KCTD12: variants seen among roughly 807,000 people sequenced by gnomAD.
The protein encoded by KCTD12 is potassium channel tetramerization domain containing 12, also known as BTB/POZ domain-containing protein KCTD12.
KCTD12 carries 16 observed loss-of-function variants against 22.6 expected under a neutral mutation model. That is an observed-to-expected ratio of 0.71 (90% CI 0.48 to 1.07). The LOEUF (loss-of-function observed/expected upper bound fraction) is 1.07, where lower values mean the gene tolerates loss of function less well. KCTD12 is among the 50% of genes least tolerant of loss of function. The probability of loss-of-function intolerance (pLI) is 0.00; values close to 1 mark genes in which losing one functional copy is unlikely to be tolerated. For synonymous variants in KCTD12, 260 were observed against 228.0 expected (o/e 1.14, Z -1.26); for missense variants, 452 against 469.2 (o/e 0.96, Z 0.34).
rs1034098488 is a variant in KCTD12 at position 76,880,570 on chromosome 13, G to C, written c.*4601C>G. 4 of 152,466 alleles carry C rather than the reference G, an allele frequency of 2.6e-5. No individual in the cohort carries two copies. Among genetic ancestry groups the C allele is most frequent in the African/African-American group, 9.7e-5 (4 of 41,416 alleles). The allele number at this position is 152,466 out of a possible 1,614,324, so 9.4% of individuals were successfully genotyped here. A position where few individuals can be genotyped will look rare whatever the true frequency, so the allele number is the denominator to read the frequency against. On this transcript the variant is annotated 3_prime_UTR_variant, in exon 1 of 1. Transcript: ENST00000377474. ...GAATCTTACATTGTCTAGCAGATAA[G>C]GTTTTCAGATGCCTGGAAAAATTTA...
rs2033270756 is a variant in KCTD12 at position 76,886,204 on chromosome 13, C to T, written c.-56G>A. On this transcript the variant is annotated 5_prime_UTR_variant, in exon 1 of 1. Coordinates refer to ENST00000377474, the MANE Select transcript of KCTD12 (RefSeq NM_138444.4). The stretch of plus-strand genomic sequence containing the variant: ...CAGGAAGCCGCGCTGCACTCAGGAG[C>T]TGCAACCGCCTTCCCCGGAGCCCCG... The T allele has an allele frequency of 1.4e-6, 2 of 1,391,742 alleles. No individual in the cohort carries two copies. The highest frequency in any genetic ancestry group is 9.3e-7 in the Non-Finnish European group (1 of 1,080,190). 86.2% of individuals were successfully genotyped at this position (1,391,742 alleles called of 1,614,324 possible). A position where few individuals can be genotyped will look rare whatever the true frequency, so the allele number is the denominator to read the frequency against.
At position 76,881,701 on chromosome 13, in the gene KCTD12, T is replaced by G. The variant is rs900655981; in HGVS notation, c.*3470A>C. ...ACATAACAACATTGAAAGGGAAAAA[T>G]TTTTAAATCTCACATCTTCAAGGAA... On this transcript the variant is annotated 3_prime_UTR_variant, in exon 1 of 1. Coordinates refer to ENST00000377474, the MANE Select transcript of KCTD12 (RefSeq NM_138444.4). 2.5e-5 allele frequency: 2 copies of G among 81,232 alleles called. No homozygotes were observed. The highest frequency in any genetic ancestry group is 7.8e-4 in the South Asian group (2 of 2,566). 5.0% of individuals were successfully genotyped at this position (81,232 alleles called of 1,614,324 possible). A position where few individuals can be genotyped will look rare whatever the true frequency, so the allele number is the denominator to read the frequency against.
chr13:76,886,053 G>A lies in KCTD12; in HGVS notation c.96C>T (p.Phe32=). Residue 32 remains phenylalanine, a synonymous_variant, in exon 1 of 1, where the codon TTC becomes TTT. Coordinates refer to ENST00000377474, the MANE Select transcript of KCTD12 (RefSeq NM_138444.4). ...SSSSSAEPPL[F]PDIVELNVGG... ...CCACGTTCAGCTCCACGATGTCGGG[G>A]AAGAGCGGTGGCTCCGCGGAGGACG... 2 of 1,579,206 alleles carry A rather than the reference G, an allele frequency of 1.3e-6. No homozygotes were observed. Among genetic ancestry groups the A allele is most frequent in the Non-Finnish European group, 1.7e-6 (2 of 1,165,806 alleles).
rs1434539431 is a variant in KCTD12 at position 76,882,949 on chromosome 13, C to G, written c.*2222G>C. On this transcript the variant is annotated 3_prime_UTR_variant, in exon 1 of 1. Coordinates refer to ENST00000377474, the MANE Select transcript of KCTD12 (RefSeq NM_138444.4). The stretch of plus-strand genomic sequence containing the variant: ...CCTTGACTTTAAGTAGACAGTTAAT[C>G]AACATATGATTAGTAATACAACTAA... 1.3e-5 allele frequency: 2 copies of G among 152,032 alleles called. No individual in the cohort carries two copies. The highest frequency in any genetic ancestry group is 3.9e-4 in the East Asian group (2 of 5,188). 9.4% of individuals were successfully genotyped at this position (152,032 alleles called of 1,614,324 possible).
rs914749125 is a variant in KCTD12, at chr13:76,885,233, T to A, written c.916A>T (p.Thr306Ser). ...STGTCAFASS[T>S]DQSEDKIWTS... is the part of the protein sequence containing the mutation. ...CAGATCTTGTCCTCGCTCTGGTCGG[T>A]GCTGCTGGCAAAGGCGCAGGTGCCC... The change falls in exon 1 of 1, where the codon ACC becomes TCC. Residue 306 changes from threonine (T) to serine (S), a missense_variant. Transcript: ENST00000377474. The surrounding 1 kb of genome is among the most constrained non-coding windows in gnomAD (Gnocchi z 5.1). The A allele has an allele frequency of 6.2e-7, 1 of 1,613,948 alleles. No homozygotes were observed. Among genetic ancestry groups the A allele is most frequent in the Non-Finnish European group, 8.5e-7 (1 of 1,180,028 alleles).
Position 76,885,034 on chromosome 13 carries a change from G to A in KCTD12, c.*137C>T. 1.1e-6 allele frequency: 1 copy of A among 930,222 alleles called. No individual in the cohort carries two copies. Among genetic ancestry groups the A allele is most frequent in the Non-Finnish European group, 1.6e-6 (1 of 628,148 alleles). The allele number at this position is 930,222 out of a possible 1,614,324, so 57.6% of individuals were successfully genotyped here. On this transcript the variant is annotated 3_prime_UTR_variant, in exon 1 of 1. Coordinates refer to ENST00000377474, the MANE Select transcript of KCTD12 (RefSeq NM_138444.4). The surrounding 1 kb of genome is among the most constrained non-coding windows in gnomAD (Gnocchi z 5.1). ...GTAGTGGAGGGAAGGTGGGCGGACA[G>A]GTCTCACCCAGCTACTACTGGAGGG...
chr13:76,881,058 A>T lies in KCTD12; in HGVS notation c.*4113T>A, dbSNP rs1203394477. The T allele has an allele frequency of 6.6e-6, 1 of 152,214 alleles. No individual in the cohort carries two copies. Among genetic ancestry groups the T allele is most frequent in the Non-Finnish European group, 1.5e-5 (1 of 68,004 alleles). The allele number at this position is 152,214 out of a possible 1,614,324, so 9.4% of individuals were successfully genotyped here. On this transcript the variant is annotated 3_prime_UTR_variant, in exon 1 of 1. Coordinates refer to ENST00000377474, the MANE Select transcript of KCTD12 (RefSeq NM_138444.4). Reference sequence around the variant, plus strand: ...ATAACTTGTTTCTGGCTATACAAAGACCTATTTCAGGTGCTACAGATACTG... The same window carrying T: ...ATAACTTGTTTCTGGCTATACAAAGTCCTATTTCAGGTGCTACAGATACTG...
rs1429166682 is a variant in KCTD12 at position 76,882,162 on chromosome 13, G to A, written c.*3009C>T. On this transcript the variant is annotated 3_prime_UTR_variant, in exon 1 of 1. Coordinates refer to ENST00000377474, the MANE Select transcript of KCTD12 (RefSeq NM_138444.4). Reference sequence around the variant, plus strand: ...TGGCCCAAAGCCCATGGAGGGGAAGGGATCTAAAGGTGCTCATGTCAAGTT... The same window carrying A: ...TGGCCCAAAGCCCATGGAGGGGAAGAGATCTAAAGGTGCTCATGTCAAGTT... 3 of 152,112 alleles carry A rather than the reference G, an allele frequency of 2.0e-5. No homozygotes were observed. Among genetic ancestry groups the A allele is most frequent in the Non-Finnish European group, 4.4e-5 (3 of 68,022 alleles). The allele number at this position is 152,112 out of a possible 1,614,324, so 9.4% of individuals were successfully genotyped here. A position where few individuals can be genotyped will look rare whatever the true frequency, so the allele number is the denominator to read the frequency against.
At position 76,885,888 on chromosome 13, in the gene KCTD12, GA is replaced by G; in HGVS notation, c.260del (p.Phe87SerfsTer167). 6.3e-7 allele frequency: 1 copy of G among 1,597,210 alleles called. No individual in the cohort carries two copies. The highest frequency in any genetic ancestry group is 2.2e-5 in the East Asian group (1 of 44,774). On this transcript the variant is annotated frameshift_variant, in exon 1 of 1. Transcript: ENST00000377474. LOFTEE classifies it high-confidence loss of function. This position sits in a 1 kb window ranked among gnomAD's most constrained non-coding sequence, Gnocchi z 5.1. Reference protein sequence around the residue: ...KGRFFLDRDGFLFRYILDYLR... With the variant: ...KGRFFLDRDGXLFRYILDYLR... ...GGTAATCCAGGATGTAGCGGAAGAGGAAGCCGTCCCGGTCCAGAAAGAAGCG... is the reference window on the plus strand; with the variant it reads ...GGTAATCCAGGATGTAGCGGAAGAGGAGCCGTCCCGGTCCAGAAAGAAGCG...
rs745512319 is a variant in KCTD12, at chr13:76,885,662, C to T, written c.487G>A (p.Glu163Lys). The change falls in exon 1 of 1, where the codon GAG (glutamate) becomes AAG (lysine). Residue 163 changes from glutamate (E) to lysine (K), a missense_variant. Glu to Lys is a moderately conservative substitution (Grantham distance 56). Transcript: ENST00000377474. The surrounding 1 kb of genome is among the most constrained non-coding windows in gnomAD (Gnocchi z 5.1). ...GDELLPLGYS[E>K]PEQQEGASAG... is the part of the protein sequence containing the mutation. ...GAGGCGCCCTCCTGCTGTTCGGGCTCCGAGTAGCCAAGCGGCAGCAGCTCG... is the reference window on the plus strand; with the variant it reads ...GAGGCGCCCTCCTGCTGTTCGGGCTTCGAGTAGCCAAGCGGCAGCAGCTCG... 55 of 1,475,000 alleles carry T rather than the reference C, an allele frequency of 3.7e-5. No homozygotes were observed. Among genetic ancestry groups the T allele is most frequent in the Non-Finnish European group, 4.6e-5 (52 of 1,125,822 alleles). 91.4% of individuals were successfully genotyped at this position (1,475,000 alleles called of 1,614,324 possible). A position where few individuals can be genotyped will look rare whatever the true frequency, so the allele number is the denominator to read the frequency against.
Position 76,885,997 on chromosome 13 carries a change from G to A in KCTD12, c.152C>T (p.Thr51Met). 6.3e-7 allele frequency: 1 copy of A among 1,590,350 alleles called. No homozygotes were observed. The highest frequency in any genetic ancestry group is 1.1e-5 in the South Asian group (1 of 89,014). ...GGQVYVTRRCTVVSVPDSLLW... is the reference protein window; with the variant it reads ...GGQVYVTRRCMVVSVPDSLLW... The stretch of plus-strand genomic sequence containing the variant: ...CAGCGAGTCGGGCACCGACACCACC[G>A]TGCAGCGCCGGGTCACGTACACCTG... Residue 51 changes from threonine to methionine, a missense_variant, in exon 1 of 1, where the codon ACG becomes ATG. By Grantham distance (81) the Thr-to-Met change is moderately conservative. Coordinates refer to ENST00000377474, the MANE Select transcript of KCTD12 (RefSeq NM_138444.4). This position sits in a 1 kb window ranked among gnomAD's most constrained non-coding sequence, Gnocchi z 5.1.
Position 76,885,656 on chromosome 13 carries a change from C to T in KCTD12, c.493G>A (p.Glu165Lys). 6.7e-7 allele frequency: 1 copy of T among 1,484,494 alleles called. No individual in the cohort carries two copies. Among genetic ancestry groups the T allele is most frequent in the Non-Finnish European group, 8.9e-7 (1 of 1,129,554 alleles). The allele number at this position is 1,484,494 out of a possible 1,614,324, so 92.0% of individuals were successfully genotyped here. A position where few individuals can be genotyped will look rare whatever the true frequency, so the allele number is the denominator to read the frequency against. Residue 165 changes from glutamate to lysine, a missense_variant, in exon 1 of 1, where the codon GAA (glutamate) becomes AAA (lysine). Transcript: ENST00000377474. This position sits in a 1 kb window ranked among gnomAD's most constrained non-coding sequence, Gnocchi z 5.1. ...ELLPLGYSEP[E>K]QQEGASAGAP... ...CCGGCAGAGGCGCCCTCCTGCTGTT[C>T]GGGCTCCGAGTAGCCAAGCGGCAGC...
Position 76,885,786 on chromosome 13 carries a change from C to G in KCTD12, c.363G>C (p.Glu121Asp), listed in dbSNP as rs1403360552. ...SRLQREAEYF[E>D]LPELVRRLGA... ...CGAGGCGGCGCACGAGCTCTGGCAG[C>G]TCGAAGTACTCGGCCTCGCGCTGCA... Residue 121 changes from glutamate (E) to aspartate (D), a missense_variant, in exon 1 of 1, where the codon GAG becomes GAC. Glu to Asp is a conservative substitution (Grantham distance 45). Transcript: ENST00000377474. The surrounding 1 kb of genome is among the most constrained non-coding windows in gnomAD (Gnocchi z 5.1). 1 of 1,582,508 alleles carries G rather than the reference C, an allele frequency of 6.3e-7. No individual in the cohort carries two copies. The highest frequency in any genetic ancestry group is 2.3e-5 in the East Asian group (1 of 42,996).
At position 76,885,844 on chromosome 13, in the gene KCTD12, A is replaced by G; in HGVS notation, c.305T>C (p.Val102Ala). The G allele has an allele frequency of 6.3e-7, 1 of 1,596,360 alleles. No individual in the cohort carries two copies. Among genetic ancestry groups the G allele is most frequent in the Non-Finnish European group, 8.5e-7 (1 of 1,179,164 alleles). ...GCGCTCGGGGAAGTAGTCGGGCAGC[A>G]CGAGCTGCAAGTCCCGCAGGTAATC... The part of the protein sequence containing the change: ...ILDYLRDLQL[V>A]LPDYFPERSR... The change falls in exon 1 of 1, where the codon GTG (valine) becomes GCG (alanine). Residue 102 changes from valine to alanine, a missense_variant. Physicochemically the swap from Val to Ala is moderately conservative, Grantham distance 64. Transcript: ENST00000377474. The surrounding 1 kb of genome is among the most constrained non-coding windows in gnomAD (Gnocchi z 5.1).
chr13:76,886,027 C>G lies in KCTD12; in HGVS notation c.122G>C (p.Gly41Ala). The G allele has an allele frequency of 2.5e-6, 4 of 1,589,610 alleles. No individual in the cohort carries two copies. The highest frequency in any genetic ancestry group is 2.6e-6 in the Non-Finnish European group (3 of 1,172,120). ...GCGCCGGGTCACGTACACCTGGCCC[C>G]CCACGTTCAGCTCCACGATGTCGGG... ...LFPDIVELNVGGQVYVTRRCT... is the reference protein window; with the variant it reads ...LFPDIVELNVAGQVYVTRRCT... Residue 41 changes from glycine (G) to alanine (A), a missense_variant, in exon 1 of 1, where the codon GGG (glycine) becomes GCG (alanine). Coordinates refer to ENST00000377474, the MANE Select transcript of KCTD12 (RefSeq NM_138444.4).
chr13:76,880,374 A>G lies in KCTD12; in HGVS notation c.*4797T>C, dbSNP rs2033189787. On this transcript the variant is annotated 3_prime_UTR_variant, in exon 1 of 1. Transcript: ENST00000377474. Reference sequence around the variant, plus strand: ...TTCTCAAAGTTTGGGCATGTCTGAAAAGACTTTGACTGCATCTTTTTTCAA... The same window carrying G: ...TTCTCAAAGTTTGGGCATGTCTGAAGAGACTTTGACTGCATCTTTTTTCAA... 1 of 152,554 alleles carries G rather than the reference A, an allele frequency of 6.6e-6. No homozygotes were observed. Among genetic ancestry groups the G allele is most frequent in the Non-Finnish European group, 1.5e-5 (1 of 68,042 alleles). 9.5% of individuals were successfully genotyped at this position (152,554 alleles called of 1,614,324 possible). A position where few individuals can be genotyped will look rare whatever the true frequency, so the allele number is the denominator to read the frequency against.
rs867085532 is a variant in KCTD12 at position 76,885,651 on chromosome 13, C to G, written c.498G>C (p.Gln166His). ...GCGCCCCGGCAGAGGCGCCCTCCTG[C>G]TGTTCGGGCTCCGAGTAGCCAAGCG... ...LLPLGYSEPE[Q>H]QEGASAGAPS... Residue 166 changes from glutamine (Q) to histidine (H), a missense_variant, in exon 1 of 1, where the codon CAG becomes CAC. Gln to His is a conservative substitution (Grantham distance 24). Around this residue, in one of 2 missense-constraint regions of KCTD12, gnomAD observed 330 missense variants for 296.5 expected, o/e 1.11. Transcript: ENST00000377474. This position sits in a 1 kb window ranked among gnomAD's most constrained non-coding sequence, Gnocchi z 5.1. The G allele has an allele frequency of 1.3e-6, 2 of 1,490,220 alleles. No homozygotes were observed. The highest frequency in any genetic ancestry group is 2.6e-5 in the South Asian group (2 of 75,770). 92.3% of individuals were successfully genotyped at this position (1,490,220 alleles called of 1,614,324 possible). A position where few individuals can be genotyped will look rare whatever the true frequency, so the allele number is the denominator to read the frequency against.
In KCTD12 at chr13:76,885,743, C is replaced by T. The variant is rs964094721; in HGVS notation, c.406G>A (p.Gly136Ser). Reference protein sequence around the residue: ...VRRLGAPQQPGPGPPPSRRGV... With the variant: ...VRRLGAPQQPSPGPPPSRRGV... ...CGCCGCGAGGGCGGCGGCCCCGGGC[C>T]GGGCTGCTGGGGCGCCCCGAGGCGG... is the stretch of plus-strand genomic sequence containing the variant. Residue 136 changes from glycine to serine, a missense_variant, in exon 1 of 1, where the codon GGC becomes AGC. Gly to Ser is a moderately conservative substitution (Grantham distance 56). This residue lies in a region of KCTD12 where 330 missense variants were observed against 296.5 expected (regional missense o/e 1.11). Coordinates refer to ENST00000377474, the MANE Select transcript of KCTD12 (RefSeq NM_138444.4). The surrounding 1 kb of genome is among the most constrained non-coding windows in gnomAD (Gnocchi z 5.1). 4.8e-6 allele frequency: 7 copies of T among 1,445,400 alleles called. No homozygotes were observed. Among genetic ancestry groups the T allele is most frequent in the Non-Finnish European group, 6.3e-6 (7 of 1,112,038 alleles). The allele number at this position is 1,445,400 out of a possible 1,614,324, so 89.5% of individuals were successfully genotyped here.
chr13:76,886,271 C>G lies in KCTD12; in HGVS notation c.-123G>C. On this transcript the variant is annotated 5_prime_UTR_variant, in exon 1 of 1. Coordinates refer to ENST00000377474, the MANE Select transcript of KCTD12 (RefSeq NM_138444.4). ...TCAGCCCTGCGCCCCGCCGCCGCCG[C>G]CGCCGCCACCGCCGCCACCGCCACC... The G allele has an allele frequency of 1.0e-6, 1 of 978,900 alleles. No individual in the cohort carries two copies. Among genetic ancestry groups the G allele is most frequent in the Non-Finnish European group, 1.3e-6 (1 of 753,538 alleles). 60.6% of individuals were successfully genotyped at this position (978,900 alleles called of 1,614,324 possible). A position where few individuals can be genotyped will look rare whatever the true frequency, so the allele number is the denominator to read the frequency against.
Sources: allele counts gnomAD v4.1 joint callset, GRCh38; gene constraint gnomAD v4.1.1; regional missense constraint gnomAD v4.1.1; non-coding constraint Gnocchi (gnomAD v3.1); transcripts MANE v1.5; gene names NCBI Gene and HGNC (gene_info 2026-07-23, HGNC 2026-07-21).